The following NCK1 variants were observed in gnomAD, a reference collection of about 807,000 sequenced individuals.
NCK1 encodes the protein SH2/SH3 adapter protein NCK1.
NCK1 carries 19 observed loss-of-function variants against 36.6 expected under a neutral mutation model. The observed-to-expected ratio is 0.52, with a 90% CI of 0.36 to 0.76. NCK1 has a LOEUF of 0.76. NCK1 is among the 30% of genes least tolerant of loss of function. The probability of loss-of-function intolerance (pLI) is 0.00; values close to 1 mark genes in which losing one functional copy is unlikely to be tolerated. For missense variants in NCK1, 358 were observed against 445.6 expected, an observed-to-expected ratio of 0.80 and a Z score of 1.77; for synonymous variants, 165 against 156.0, an observed-to-expected ratio of 1.06 and a Z score of -0.43.
rs1402862204 is a variant in NCK1, at chr3:136,862,252, C to G, written c.-120C>G. 1 of 152,864 alleles carries G rather than the reference C, an allele frequency of 6.5e-6. No individual in the cohort carries two copies. Among genetic ancestry groups the G allele is most frequent in the East Asian group, 1.9e-4 (1 of 5,186 alleles). 9.5% of individuals were successfully genotyped at this position (152,864 alleles called of 1,614,324 possible). A position where few individuals can be genotyped will look rare whatever the true frequency, so the allele number is the denominator to read the frequency against. On this transcript the variant is annotated 5_prime_UTR_variant, in exon 1 of 4. Coordinates refer to ENST00000481752, the MANE Select transcript of NCK1 (RefSeq NM_001291999.2). ...TCTCCCAAGAGCTACGCGGCGGCGGCGGAGCGCAGGCCTCGTGCCGTTACG... is the reference window on the plus strand; with the variant it reads ...TCTCCCAAGAGCTACGCGGCGGCGGGGGAGCGCAGGCCTCGTGCCGTTACG...
chr3:136,944,448 G>A lies in NCK1; in HGVS notation c.227-1135G>A, dbSNP rs114535131. On this transcript the variant is annotated intron_variant, in intron 2 of 3. Coordinates refer to ENST00000481752, the MANE Select transcript of NCK1 (RefSeq NM_001291999.2). ...AGACAACTTTTAAAAGAGTGGTATA[G>A]TTTATTCTATAGGAAAATTGGACCA... 9.7e-3 allele frequency among the ~76,000 whole-genome samples: 1,469 copies of A among 152,208 alleles called. 25 individuals carry two copies. Among genetic ancestry groups the A allele is most frequent in the African/African-American group, 0.032 (1,343 of 41,514 alleles).
intron 2 of NCK1, among the ~76,000 whole-genome samples, chr3:136,943,059 G>A (rs1940717294): frequency 6.6e-6 from 1 of 152,106 alleles, no homozygotes; most frequent in African/African-American, 2.4e-5. Context: ...TGGTGGGCAG[G>A]CAACTTAGGA....
At chr3:136,901,374 T>TTA (rs564266231) in intron 1 of NCK1, among the ~76,000 whole-genome samples, 1 of 151,448 alleles carries the variant, frequency 6.6e-6, no homozygotes, top group African/African-American at 2.4e-5. Context: ...TTTTTTTTTT[T>TTA]AAATATTTTT....
chr3:136,895,681 C>T (rs768174664), intron 1 of NCK1, among the ~76,000 whole-genome samples: 21 of 152,126 alleles, frequency 1.4e-4, no homozygotes, highest in Non-Finnish European at 2.8e-4. Context: ...TCTTGTGCCA[C>T]AGCCTCCCGG....
chr3:136,912,433 C>T (rs9828009), intron 1 of NCK1, among the ~76,000 whole-genome samples: 95,421 of 151,158 alleles, frequency 0.63, 30,442 homozygotes, highest in East Asian at 0.87. Context: ...GGCATTCCCA[C>T]AATGTGTGTG....
chr3:136,915,762 G>A (rs1319839765), intron 1 of NCK1, among the ~76,000 whole-genome samples: 1 of 150,748 alleles, frequency 6.6e-6, no homozygotes, highest in Non-Finnish European at 1.5e-5. Context: ...GTCTCACTCC[G>A]TCATCCAGGC....
chr3:136,913,980 C>T lies in NCK1; in HGVS notation c.-18-14004C>T, dbSNP rs1356730525. On this transcript the variant is annotated intron_variant, in intron 1 of 3. Coordinates refer to ENST00000481752, the MANE Select transcript of NCK1 (RefSeq NM_001291999.2). ...CAGCCGCACAGTGATTTTCTAAATTCCCCATTTATATGGTTGCTTCTGAAT... is the reference window on the plus strand; with the variant it reads ...CAGCCGCACAGTGATTTTCTAAATTTCCCATTTATATGGTTGCTTCTGAAT... 2.6e-5 allele frequency among the ~76,000 whole-genome samples: 4 copies of T among 152,312 alleles called. No homozygotes were observed. In the South Asian group the frequency reaches 8.3e-4, roughly 32 times the overall value.
At chr3:136,881,509 G>T (rs1240713274) in intron 1 of NCK1, among the ~76,000 whole-genome samples, 5 of 152,090 alleles carry the variant, frequency 3.3e-5, no homozygotes, top group Non-Finnish European at 5.9e-5. Flanking sequence ...GAGCCACCAC[G>T]CCCAGCTTCT....
At chr3:136,865,247 C>T (rs566994844) in intron 1 of NCK1, among the ~76,000 whole-genome samples, 14 of 152,072 alleles carry the variant, frequency 9.2e-5, no homozygotes, top group Admixed American at 4.6e-4. Flanking sequence ...TGAGCCACCA[C>T]GCCCGGCCTG....
intron 1 of NCK1, among the ~76,000 whole-genome samples, chr3:136,909,955 A>G (rs1373032913): frequency 6.6e-6 from 1 of 151,958 alleles, no homozygotes; most frequent in Non-Finnish European, 1.5e-5. Context: ...CGTTTTACCT[A>G]TTTGTGTCTT....
At chr3:136,941,360 C>G (rs1468691524) in intron 2 of NCK1, among the ~76,000 whole-genome samples, 1 of 151,866 alleles carries the variant, frequency 6.6e-6, no homozygotes, top group East Asian at 1.9e-4. Flanking sequence ...GAACTTCTGA[C>G]CTCAAGTGAT....
Position 136,948,619 on chromosome 3 carries a change from A to G in NCK1, c.*166A>G, listed in dbSNP as rs1027423214. The G allele has an allele frequency of 5.6e-5, 32 of 569,084 alleles. No individual in the cohort carries two copies. In the East Asian group the frequency reaches 8.5e-4, roughly 15 times the overall value. 35.3% of individuals were successfully genotyped at this position (569,084 alleles called of 1,614,324 possible). On this transcript the variant is annotated 3_prime_UTR_variant, in exon 4 of 4. Coordinates refer to ENST00000481752, the MANE Select transcript of NCK1 (RefSeq NM_001291999.2). ...ATAACTCAGCCCATACATATATACT[A>G]TGTATGCAGTGCATCTGCATAGAAC...
At chr3:136,928,566 T>G (rs540569643) in intron 2 of NCK1, 2 of 237,284 alleles carry the variant, frequency 8.4e-6, no homozygotes, top group Admixed American at 1.0e-4. Context: ...AGGCAACTTA[T>G]GTACATGGCA....
intron 1 of NCK1, among the ~76,000 whole-genome samples, chr3:136,893,183 T>TACACACAC (rs1560038389): frequency 5.6e-5 from 1 of 17,946 alleles, no homozygotes; most frequent in African/African-American, 1.4e-4. Flanking sequence ...TGTGTGTATA[T>TACACACAC]ATATATATAC....
At chr3:136,926,247 TA>T (rs1312564350) in intron 1 of NCK1, among the ~76,000 whole-genome samples, 2 of 151,592 alleles carry the variant, frequency 1.3e-5, no homozygotes, top group Admixed American at 1.3e-4. Context: ...TAGCTCTTTT[TA>T]AAATTTTATT....
intron 2 of NCK1, among the ~76,000 whole-genome samples, chr3:136,944,355 T>C (rs2108150551): frequency 6.6e-6 from 1 of 152,160 alleles, no homozygotes; most frequent in South Asian, 2.1e-4. Context: ...CTTGAGCTTG[T>C]GATCTGCCCG....
chr3:136,912,577 T>A (rs535050175), intron 1 of NCK1, among the ~76,000 whole-genome samples: 2 of 151,974 alleles, frequency 1.3e-5, no homozygotes, highest in Admixed American at 1.3e-4. Context: ...ATCCCTGTAG[T>A]GAATTTTCCA....
rs746429448 is a variant in NCK1, at chr3:136,916,022, G to T, written c.-18-11962G>T. 4.6e-5 allele frequency among the ~76,000 whole-genome samples: 7 copies of T among 152,084 alleles called. No individual in the cohort carries two copies. In the East Asian group the frequency reaches 9.7e-4, roughly 21 times the overall value. ...ATTACAGGTGTGAGCCACTGGGCCCGGCCTAGCCAAACACTTTTAAACAAC... is the reference window on the plus strand; with the variant it reads ...ATTACAGGTGTGAGCCACTGGGCCCTGCCTAGCCAAACACTTTTAAACAAC... On this transcript the variant is annotated intron_variant, in intron 1 of 3. Transcript: ENST00000481752.
At chr3:136,936,247 G>A (rs1180323756) in intron 2 of NCK1, among the ~76,000 whole-genome samples, 1 of 151,960 alleles carries the variant, frequency 6.6e-6, no homozygotes, top group Non-Finnish European at 1.5e-5. Context: ...CACCATGTTG[G>A]CCAGGCTGGT....
Sources: allele counts gnomAD v4.1 joint callset (sites outside exome capture counted in the v4.1 genomes callset), GRCh38; gene constraint gnomAD v4.1.1; transcripts MANE v1.5; gene names NCBI Gene and HGNC (gene_info 2026-07-23, HGNC 2026-07-21).